Variants in LRRC4C observed in about 807,000 individuals in gnomAD.
LRRC4C encodes the protein leucine rich repeat containing 4C, also known as leucine-rich repeat-containing protein 4C.
A neutral mutation model predicts 33.6 loss-of-function variants in LRRC4C; 5 were observed. The ratio of observed to expected loss-of-function variants is 0.15; its 90% CI spans 0.08 to 0.31. The LOEUF is 0.31. Ranked by LOEUF, LRRC4C falls within the 10% of genes least tolerant of loss-of-function variation. The pLI, the probability that LRRC4C is intolerant of heterozygous loss-of-function variation, is 1.00. For synonymous variants in LRRC4C, 329 were observed against 302.0 expected (o/e 1.09, Z -0.93); for missense variants, 560 against 796.7 (o/e 0.70, Z 3.58).
intron 3 of LRRC4C, among the ~76,000 whole-genome samples, chr11:40,634,715 G>GAAAAA (rs1204165255): frequency 7.4e-6 from 1 of 135,712 alleles, no homozygotes; most frequent in African/African-American, 3.0e-5. Context: ...CAAAAAATAA[G>GAAAAA]AAAATAAAAA....
chr11:40,380,535 C>A (rs778059984), intron 3 of LRRC4C, among the ~76,000 whole-genome samples: 30 of 152,220 alleles, frequency 2.0e-4, no homozygotes, highest in South Asian at 6.2e-4. Context: ...CTTATGTGTG[C>A]ACACCCAGGT....
intron 2 of LRRC4C, among the ~76,000 whole-genome samples, chr11:40,733,233 A>G (rs967381739): frequency 6.0e-5 from 9 of 150,458 alleles, no homozygotes; most frequent in Admixed American, 2.0e-4. Flanking sequence ...CTGCCACCAC[A>G]CCCGGCTAAT....
intron 3 of LRRC4C, among the ~76,000 whole-genome samples, chr11:40,503,124 C>T (rs1371673): frequency 0.34 from 51,438 of 151,988 alleles, 10,503 homozygotes; most frequent in East Asian, 0.66. Context: ...AAACTTTTCC[C>T]TTTCTCCCTC....
intron 2 of LRRC4C, among the ~76,000 whole-genome samples, chr11:40,809,347 G>C (rs1175028842): frequency 6.6e-6 from 1 of 152,062 alleles, no homozygotes; most frequent in Non-Finnish European, 1.5e-5. Flanking sequence ...CTACTTCAAG[G>C]CCCTTTGGAT....
intron 2 of LRRC4C, among the ~76,000 whole-genome samples, chr11:40,713,562 T>C (rs1946566691): frequency 6.6e-6 from 1 of 152,228 alleles, no homozygotes; most frequent in Non-Finnish European, 1.5e-5. Context: ...AATGAAATTA[T>C]GAATATTTAC....
intron 1 of LRRC4C, among the ~76,000 whole-genome samples, chr11:41,067,677 C>T (rs1053640846): frequency 2.0e-4 from 30 of 152,170 alleles, no homozygotes; most frequent in Non-Finnish European, 5.9e-5. Context: ...AAACACTCCT[C>T]AGCAAATGCA....
At chr11:40,357,494 T>A (rs554588314) in intron 3 of LRRC4C, among the ~76,000 whole-genome samples, 1 of 152,170 alleles carries the variant, frequency 6.6e-6, no homozygotes, top group South Asian at 2.1e-4. Context: ...CTCACCCAAA[T>A]GAACAGAGAC....
At chr11:40,978,658 G>A (rs1592243292) in intron 1 of LRRC4C, among the ~76,000 whole-genome samples, 1 of 136,284 alleles carries the variant, frequency 7.3e-6, no homozygotes, top group East Asian at 2.1e-4. Context: ...GTCTCGCTCT[G>A]TTGCCCAGGC....
intron 1 of LRRC4C, among the ~76,000 whole-genome samples, chr11:41,045,470 G>C (rs1454977978): frequency 6.6e-6 from 1 of 152,136 alleles, no homozygotes; most frequent in African/African-American, 2.4e-5. Flanking sequence ...AGACCATGGA[G>C]ACAGAAGGAC....
At chr11:40,772,468 A>G (rs1364335366) in intron 2 of LRRC4C, among the ~76,000 whole-genome samples, 1 of 152,208 alleles carries the variant, frequency 6.6e-6, no homozygotes, top group African/African-American at 2.4e-5. Flanking sequence ...TAAGAAGCAG[A>G]ATGTATAAGG....
At chr11:40,812,937 G>A (rs1951553323) in intron 2 of LRRC4C, among the ~76,000 whole-genome samples, 1 of 152,048 alleles carries the variant, frequency 6.6e-6, no homozygotes. Flanking sequence ...AAAAGGGAGA[G>A]AAAGTGGAAA....
intron 3 of LRRC4C, among the ~76,000 whole-genome samples, chr11:40,515,824 T>C (rs910845601): frequency 3.3e-5 from 5 of 152,078 alleles, no homozygotes; most frequent in African/African-American, 1.2e-4. Flanking sequence ...CTGTGGCCAA[T>C]AAAGGGGCTT....
chr11:40,674,994 TGAAG>T (rs1303556187), intron 2 of LRRC4C, among the ~76,000 whole-genome samples: 1 of 152,224 alleles, frequency 6.6e-6, no homozygotes, highest in African/African-American at 2.4e-5. Context: ...CCTGGGTCAC[TGAAG>T]TACGATTTCT....
chr11:40,796,411 A>G (rs1950826848), intron 2 of LRRC4C, among the ~76,000 whole-genome samples: 1 of 152,156 alleles, frequency 6.6e-6, no homozygotes, highest in African/African-American at 2.4e-5. Context: ...TGAGCCTAGG[A>G]CAAAAAATAA....
At chr11:40,703,835 T>C (rs910641528) in intron 2 of LRRC4C, among the ~76,000 whole-genome samples, 2 of 152,214 alleles carry the variant, frequency 1.3e-5, no homozygotes, top group Admixed American at 6.5e-5. Context: ...ATGTTGATAT[T>C]TTTTCCTCTA....
At chr11:41,122,233 T>C (rs1031300121) in intron 1 of LRRC4C, among the ~76,000 whole-genome samples, 1 of 152,146 alleles carries the variant, frequency 6.6e-6, no homozygotes, top group African/African-American at 2.4e-5. Flanking sequence ...AGTAACAGTT[T>C]AACTCTTCAA....
At chr11:41,233,480 G>C (rs1327292711) in intron 1 of LRRC4C, among the ~76,000 whole-genome samples, 2 of 151,152 alleles carry the variant, frequency 1.3e-5, no homozygotes, top group Non-Finnish European at 3.0e-5. Flanking sequence ...ATTAACATTA[G>C]AAAAAAAAAT....
At chr11:40,300,752 T>C (rs1421298476) in intron 4 of LRRC4C, among the ~76,000 whole-genome samples, 1 of 152,230 alleles carries the variant, frequency 6.6e-6, no homozygotes, top group Non-Finnish European at 1.5e-5. Context: ...CAGGATTCAA[T>C]GTAATACCCA....
chr11:41,085,928 C>CAAAAAAAAAAAAAAAAAAAAAAA (rs10717008), intron 1 of LRRC4C, among the ~76,000 whole-genome samples: 1 of 80,178 alleles, frequency 1.2e-5, no homozygotes, highest in African/African-American at 4.7e-5. Flanking sequence ...TTTAAGACAC[C>CAAAAAAAAAAAAAAAAAAAAAAA]AAAAAAAAAA....
Sources: gnomAD v4.1 joint callset for allele counts (sites outside exome capture counted in the v4.1 genomes callset) on GRCh38, gnomAD v4.1.1 for gene constraint, MANE v1.5 for transcripts, NCBI Gene and HGNC (gene_info 2026-07-23, HGNC 2026-07-21) for gene names.